The following F8 variants were observed in gnomAD, a reference collection of about 807,000 sequenced individuals.
F8 encodes the protein coagulation factor VIII, also known as antihemophilic factor.
Under a neutral mutation model 140.6 loss-of-function variants are expected in F8, and 12 were observed. The observed-to-expected ratio is 0.09, with a 90% CI of 0.05 to 0.14. F8 has a LOEUF of 0.14. F8 is among the 10% of genes least tolerant of loss of function. The probability of loss-of-function intolerance (pLI) is 1.00; values close to 1 mark genes in which losing one functional copy is unlikely to be tolerated. For synonymous variants in F8, 585 were observed against 614.6 expected (o/e 0.95, Z 0.71); for missense variants, 1,354 against 1,720.7 (o/e 0.79, Z 3.77).
rs781938439 is a variant in F8 at position 154,952,763 on chromosome X, C to T, written c.1903+1129G>A. On this transcript the variant is annotated intron_variant, in intron 12 of 25. Coordinates refer to ENST00000360256, the MANE Select transcript of F8 (RefSeq NM_000132.4). ...TTCACTATGTTAGCCAGGATGGTCT[C>T]GATCTCCTGACCTCGTGATCCGCCT... 7.5e-3 allele frequency among the ~76,000 whole-genome samples: 833 copies of T among 110,628 alleles called. 9 individuals are homozygous for T. Among genetic ancestry groups the T allele is most frequent in the African/African-American group, 0.026 (790 of 30,396 alleles).
chrX:154,932,286 A>G (rs782184065), intron 13 of F8, among the ~76,000 whole-genome samples: 2 of 112,587 alleles, frequency 1.8e-5, no homozygotes, highest in East Asian at 5.5e-4. Context: ...AGGAAGGAGC[A>G]TTTAGGTCTA....
At chrX:154,960,806 T>C (rs1453272978) in intron 10 of F8, among the ~76,000 whole-genome samples, 1 of 111,768 alleles carries the variant, frequency 8.9e-6, no homozygotes, top group Admixed American at 9.5e-5. Context: ...GTAGTTGCAG[T>C]GGAACCAATT....
chrX:154,940,172 T>G (rs1557279626), intron 13 of F8, among the ~76,000 whole-genome samples: 1 of 111,901 alleles, frequency 8.9e-6, no homozygotes, highest in East Asian at 2.8e-4. Context: ...GGAGAATGAC[T>G]TTGATGAGTT....
chrX:155,004,586 C>G (rs782078544), intron 1 of F8, among the ~76,000 whole-genome samples: 1 of 112,192 alleles, frequency 8.9e-6, no homozygotes, highest in South Asian at 3.7e-4. Flanking sequence ...GATCTAGCTA[C>G]TGATGTTGTT....
At chrX:154,966,889 G>A (rs1557282099) in intron 7 of F8, among the ~76,000 whole-genome samples, 2 of 109,812 alleles carry the variant, frequency 1.8e-5, no homozygotes, top group Non-Finnish European at 3.8e-5. Flanking sequence ...GAAGGGGGAG[G>A]AGACATGTCA....
At chrX:155,019,879 A>G (rs1417240153) in intron 1 of F8, among the ~76,000 whole-genome samples, 2 of 111,898 alleles carry the variant, frequency 1.8e-5, no homozygotes, top group Admixed American at 9.5e-5. Flanking sequence ...GGAGAAAACT[A>G]TCTTATTAAC....
In F8 at chrX:154,953,311, C is replaced by T. The variant is rs377452742; in HGVS notation, c.1903+581G>A. On this transcript the variant is annotated intron_variant, in intron 12 of 25. Coordinates refer to ENST00000360256, the MANE Select transcript of F8 (RefSeq NM_000132.4). ...TAAGGTCATTACGGTGGGCCCTAGC[C>T]CAACAATACTGGTATCTTTATTAGA... is the stretch of plus-strand genomic sequence containing the variant. Among the ~76,000 whole-genome samples the T allele has an allele frequency of 8.1e-5, 9 of 111,280 alleles. No individual in the cohort carries two copies. In the East Asian group the frequency reaches 1.1e-3, roughly 14 times the overall value.
At chrX:154,978,659 T>C (rs956346419) in intron 6 of F8, among the ~76,000 whole-genome samples, 2 of 112,103 alleles carry the variant, frequency 1.8e-5, no homozygotes, top group East Asian at 5.6e-4. Context: ...TCATAGTTCC[T>C]TGATTTTTCA....
intron 15 of F8, among the ~76,000 whole-genome samples, 180 bp downstream of exon 15, chrX:154,906,240 A>G (rs1557276333): frequency 8.9e-6 from 1 of 112,108 alleles, no homozygotes; most frequent in African/African-American, 3.2e-5. Flanking sequence ...AGAATTCTGC[A>G]TGGTATAATT....
intron 9 of F8, 87 bp downstream of exon 9, chrX:154,965,883 C>A: frequency 1.1e-6 from 1 of 903,273 alleles, no homozygotes; most frequent in Non-Finnish European, 1.6e-6. Context: ...CCATTGGAGA[C>A]AAGGCTGAAT....
intron 6 of F8, among the ~76,000 whole-genome samples, chrX:154,976,471 T>C (rs2073486063): frequency 9.0e-6 from 1 of 110,711 alleles, no homozygotes; most frequent in Non-Finnish European, 1.9e-5. Context: ...ATGTGCACAT[T>C]GTGCAGGTTA....
At chrX:154,843,321 G>A (rs1183015105) in intron 25 of F8, among the ~76,000 whole-genome samples, 1 of 111,807 alleles carries the variant, frequency 8.9e-6, no homozygotes, top group African/African-American at 3.3e-5. Flanking sequence ...GTAATGGGAT[G>A]GCTGGGTCAA....
chrX:154,899,698 A>G (rs2073000068), intron 21 of F8, among the ~76,000 whole-genome samples, 168 bp downstream of exon 21: 1 of 112,203 alleles, frequency 8.9e-6, no homozygotes, highest in Non-Finnish European at 1.9e-5. Context: ...CAATATACTC[A>G]ATTCTATCCC....
At chrX:154,943,684 A>G (rs1433420353) in intron 13 of F8, among the ~76,000 whole-genome samples, 1 of 111,435 alleles carries the variant, frequency 9.0e-6, no homozygotes, top group African/African-American at 3.3e-5. Context: ...AGTTCATATG[A>G]AACCAAAAAA....
chrX:154,877,139 G>A (rs1557274079), intron 22 of F8, among the ~76,000 whole-genome samples: 1 of 112,334 alleles, frequency 8.9e-6, no homozygotes, highest in East Asian at 2.8e-4. Context: ...AACCGTATGT[G>A]CTAGGAAGAA....
At chrX:154,979,446 G>A (rs944264105) in intron 6 of F8, among the ~76,000 whole-genome samples, 9 of 111,233 alleles carry the variant, frequency 8.1e-5, no homozygotes, top group Admixed American at 6.6e-4. Flanking sequence ...AGGCTCCTTG[G>A]TGGTGTGTGA....
At chrX:154,910,751 G>A (rs1465948931) in intron 14 of F8, among the ~76,000 whole-genome samples, 4 of 110,714 alleles carry the variant, frequency 3.6e-5, no homozygotes, top group Non-Finnish European at 7.6e-5. Context: ...CCCGACACCC[G>A]TAAAGGGTCT....
chrX:154,890,251 A>G (rs1180252560), intron 22 of F8, among the ~76,000 whole-genome samples: 19 of 108,287 alleles, frequency 1.8e-4, no homozygotes, highest in African/African-American at 6.4e-4. Flanking sequence ...AAAGCAGGCT[A>G]TGGGCCAAAT....
intron 12 of F8, 107 bp from the exon 13 acceptor site, chrX:154,948,014 C>T (rs996703440): frequency 2.2e-5 from 14 of 642,855 alleles, no homozygotes; most frequent in Non-Finnish European, 5.0e-6. Context: ...TGCCCATTAT[C>T]TTATTCCCAG....
Sources: gnomAD v4.1 joint callset for allele counts (sites outside exome capture counted in the v4.1 genomes callset) on GRCh38, gnomAD v4.1.1 for gene constraint, MANE v1.5 for transcripts, NCBI Gene and HGNC (gene_info 2026-07-23, HGNC 2026-07-21) for gene names.